Variants in MGAT4C observed in about 807,000 individuals in gnomAD.
The protein encoded by MGAT4C is alpha-1,3-mannosyl-glycoprotein 4-beta-N-acetylglucosaminyltransferase C.
A neutral mutation model predicts 40.1 loss-of-function variants in MGAT4C; 19 were observed. That is an observed-to-expected ratio of 0.47 (90% confidence interval 0.33 to 0.70). The LOEUF (loss-of-function observed/expected upper bound fraction) is 0.70, where lower values mean the gene tolerates loss of function less well. MGAT4C is among the 30% of genes least tolerant of loss of function. MGAT4C has a pLI of 0.02. For missense variants in MGAT4C, 491 were observed against 563.2 expected (o/e 0.87, Z 1.30); for synonymous variants, 181 against 187.1 (o/e 0.97, Z 0.27).
intron 1 of MGAT4C, among the ~76,000 whole-genome samples, chr12:86,770,788 AAAT>A (rs1241194630): frequency 6.6e-6 from 1 of 152,118 alleles, no homozygotes. Context: ...AAAAGGGAAA[AAAT>A]AATAATTTTG....
At chr12:86,273,608 C>A (rs186016449) in intron 4 of MGAT4C, among the ~76,000 whole-genome samples, 4 of 152,074 alleles carry the variant, frequency 2.6e-5, no homozygotes, top group Admixed American at 6.5e-5. Context: ...AGAGATGAGA[C>A]CTGGAGTCAC....
At chr12:86,368,887 C>T (rs1423512978) in intron 3 of MGAT4C, among the ~76,000 whole-genome samples, 1 of 151,844 alleles carries the variant, frequency 6.6e-6, no homozygotes, top group African/African-American at 2.4e-5. Context: ...TATATATGCT[C>T]ATTTCTTCTA....
At chr12:86,139,047 C>T (rs1882451020) in intron 1 of MGAT4C, among the ~76,000 whole-genome samples, 1 of 152,118 alleles carries the variant, frequency 6.6e-6, no homozygotes, top group Non-Finnish European at 1.5e-5. Context: ...CATGACTTCC[C>T]TCCATCTTGT....
Position 86,033,929 on chromosome 12 carries a change from CA to C in MGAT4C, c.-7+15744del, listed in dbSNP as rs571759724. 2.7e-3 allele frequency among the ~76,000 whole-genome samples: 400 copies of C among 148,982 alleles called. 30 individuals are homozygous for C. Among genetic ancestry groups the C allele is most frequent in the Admixed American group, 6.3e-3 (93 of 14,778 alleles). ...CTCTTATTTTTTTAATATATTCCTT[CA>C]ATACGTAGTTTGTTGAAGGTTTTTA... On this transcript the variant is annotated intron_variant, in intron 2 of 4. Transcript: ENST00000611864.
chr12:86,331,862 G>A (rs1954676763), intron 4 of MGAT4C, among the ~76,000 whole-genome samples: 1 of 152,008 alleles, frequency 6.6e-6, no homozygotes. Flanking sequence ...CAACCTAATA[G>A]GTTGTATATT....
At chr12:86,533,758 C>T (rs1318476154) in intron 2 of MGAT4C, among the ~76,000 whole-genome samples, 1 of 151,510 alleles carries the variant, frequency 6.6e-6, no homozygotes, top group Non-Finnish European at 1.5e-5. Flanking sequence ...CCCCTTTAGG[C>T]CAAGGGTATT....
intron 1 of MGAT4C, among the ~76,000 whole-genome samples, chr12:86,767,834 T>A (rs1474512523): frequency 6.6e-6 from 1 of 152,130 alleles, no homozygotes; most frequent in Non-Finnish European, 1.5e-5. Flanking sequence ...TGCTAAAAAC[T>A]CTCAGTAAAT....
chr12:86,716,421 G>A (rs897450288), intron 2 of MGAT4C, among the ~76,000 whole-genome samples: 1 of 151,858 alleles, frequency 6.6e-6, no homozygotes, highest in Non-Finnish European at 1.5e-5. Flanking sequence ...ATCTTTGAAA[G>A]CAAACATGAA....
intron 3 of MGAT4C, among the ~76,000 whole-genome samples, chr12:86,370,705 A>G (rs1166759434): frequency 6.6e-6 from 1 of 152,090 alleles, no homozygotes; most frequent in Non-Finnish European, 1.5e-5. Flanking sequence ...GCTCCTGAGT[A>G]ACTTGTTTTC....
At chr12:86,751,064 T>C (rs1322783869) in intron 1 of MGAT4C, among the ~76,000 whole-genome samples, 9 of 151,918 alleles carry the variant, frequency 5.9e-5, no homozygotes, top group Non-Finnish European at 1.0e-4. Context: ...TAAGGAGATC[T>C]TACAGATTAA....
chr12:86,000,875 C>T (rs1204986271), intron 2 of MGAT4C, among the ~76,000 whole-genome samples: 1 of 152,158 alleles, frequency 6.6e-6, no homozygotes, highest in African/African-American at 2.4e-5. Context: ...TGCTCCCCAA[C>T]TATCATGCCA....
intron 1 of MGAT4C, among the ~76,000 whole-genome samples, chr12:86,823,782 T>A (rs1337636981): frequency 6.6e-6 from 1 of 151,172 alleles, no homozygotes; most frequent in Non-Finnish European, 1.5e-5. Flanking sequence ...ATCCATTTTT[T>A]AAAAAAGGCT....
intron 2 of MGAT4C, among the ~76,000 whole-genome samples, chr12:86,491,728 A>T (rs1958139652): frequency 6.6e-6 from 1 of 150,582 alleles, no homozygotes; most frequent in African/African-American, 2.4e-5. Context: ...CCCTTTGAAA[A>T]CTGGCACAAG....
intron 3 of MGAT4C, among the ~76,000 whole-genome samples, chr12:86,381,201 A>T (rs1955921776): frequency 6.6e-6 from 1 of 152,174 alleles, no homozygotes; most frequent in Non-Finnish European, 1.5e-5. Flanking sequence ...TCAACTTGAG[A>T]TTTTTGACAG....
chr12:86,644,765 T>C (rs1481086944), intron 2 of MGAT4C, among the ~76,000 whole-genome samples: 1 of 151,848 alleles, frequency 6.6e-6, no homozygotes, highest in South Asian at 2.1e-4. Flanking sequence ...TTTAATTTTA[T>C]CTATATAATG....
chr12:86,035,583 A>G (rs1317509552), intron 2 of MGAT4C, among the ~76,000 whole-genome samples: 1 of 150,076 alleles, frequency 6.7e-6, no homozygotes, highest in Non-Finnish European at 1.5e-5. Flanking sequence ...CAGTTTCATT[A>G]GATCCTATTT....
chr12:86,238,219 T>C (rs1951635658), intron 1 of MGAT4C, among the ~76,000 whole-genome samples: 1 of 152,002 alleles, frequency 6.6e-6, no homozygotes, highest in African/African-American at 2.4e-5. Context: ...TCATCTTCTG[T>C]CAGTACATTG....
At chr12:86,396,586 T>C (rs1404406743) in intron 3 of MGAT4C, among the ~76,000 whole-genome samples, 5 of 152,100 alleles carry the variant, frequency 3.3e-5, no homozygotes, top group Non-Finnish European at 7.4e-5. Context: ...GTATATTTTC[T>C]AAACAAACAA....
chr12:86,562,183 C>T (rs141900176), intron 2 of MGAT4C, among the ~76,000 whole-genome samples: 75 of 152,226 alleles, frequency 4.9e-4, no homozygotes, highest in Non-Finnish European at 9.0e-4. Context: ...ACACTCTGAG[C>T]CTCAAATCTT....
Sources: gnomAD v4.1 joint callset for allele counts (sites outside exome capture counted in the v4.1 genomes callset) on GRCh38, gnomAD v4.1.1 for gene constraint, MANE v1.5 for transcripts, NCBI Gene and HGNC (gene_info 2026-07-23, HGNC 2026-07-21) for gene names.